PLA2G4D: variants seen among roughly 807,000 people sequenced by gnomAD.
PLA2G4D encodes phospholipase A2 group IVD, also known as cytosolic phospholipase A2 delta.
In PLA2G4D, 80 loss-of-function variants were observed where a neutral mutation model predicts 94.4. The ratio of observed to expected loss-of-function variants is 0.85; its 90% CI spans 0.71 to 1.02. PLA2G4D has a LOEUF of 1.02. PLA2G4D is among the 50% of genes least tolerant of loss of function. The probability of loss-of-function intolerance (pLI) is 0.00; values close to 1 mark genes in which losing one functional copy is unlikely to be tolerated. For synonymous variants in PLA2G4D, 438 were observed against 440.9 expected (o/e 0.99, Z 0.08); for missense variants, 1,050 against 1,034.7 (o/e 1.01, Z -0.20).
intron 4 of PLA2G4D, 92 bp downstream of exon 4, chr15:42,086,121 C>T (rs1046547843): frequency 1.5e-6 from 2 of 1,350,726 alleles, no homozygotes; most frequent in Admixed American, 4.5e-5. Flanking sequence ...TTCACCCCAG[C>T]AGCCTCCCAA....
At chr15:42,088,889 G>T (rs551923693) in intron 1 of PLA2G4D, among the ~76,000 whole-genome samples, 82 of 152,256 alleles carry the variant, frequency 5.4e-4, no homozygotes, top group African/African-American at 1.9e-3. Flanking sequence ...CCCCCAGGAG[G>T]CACCAAGCAC....
chr15:42,086,463 G>T, intron 3 of PLA2G4D, 119 bp from the exon 4 acceptor site: 1 of 929,446 alleles, frequency 1.1e-6, no homozygotes, highest in South Asian at 1.6e-5. Context: ...CCACACGTCT[G>T]CGCTTCAAAA....
Position 42,081,508 on chromosome 15 carries a change from G to GCAGGGCCTGCTT in PLA2G4D, c.916_927dup (p.Lys306_Leu309dup), listed in dbSNP as rs1566863349. On this transcript the variant is annotated inframe_insertion, in exon 11 of 20. Transcript: ENST00000290472. ...TCCTCCTGCAGGTCTCTGTCCAGCT[G>GCAGGGCCTGCTT]CAGGGCCTGCTTCAGGGCCTTGGCC... 6.2e-7 allele frequency: 1 copy of GCAGGGCCTGCTT among 1,614,138 alleles called. No individual in the cohort carries two copies. Among genetic ancestry groups the GCAGGGCCTGCTT allele is most frequent in the Non-Finnish European group, 8.5e-7 (1 of 1,179,984 alleles).
chr15:42,070,126 C>T, intron 18 of PLA2G4D, 31 bp from the exon 19 acceptor site: 2 of 1,461,498 alleles, frequency 1.4e-6, no homozygotes, highest in Non-Finnish European at 1.8e-6. Context: ...CGGAGAGAAC[C>T]AGCCCGGCCC....
At chr15:42,092,195 G>A (rs1325537364) in intron 1 of PLA2G4D, among the ~76,000 whole-genome samples, 1 of 152,190 alleles carries the variant, frequency 6.6e-6, no homozygotes, top group Non-Finnish European at 1.5e-5. Context: ...TCAAAAGACA[G>A]TACTCCCATT....
Position 42,085,487 on chromosome 15 carries a change from T to C in PLA2G4D, c.428+4A>G. 1.2e-6 allele frequency: 2 copies of C among 1,614,040 alleles called. No individual in the cohort carries two copies. The highest frequency in any genetic ancestry group is 1.7e-6 in the Non-Finnish European group (2 of 1,179,992). Reference sequence around the variant, plus strand: ...CACTCCCTGGGCTGTGTGACATTACTCACGTTTCTTCCATCAGGAACTCCA... The same window carrying C: ...CACTCCCTGGGCTGTGTGACATTACCCACGTTTCTTCCATCAGGAACTCCA... On this transcript the variant is annotated splice_donor_region_variant and intron_variant, in intron 5 of 19. Transcript: ENST00000290472.
At chr15:42,079,151 G>A (rs1016731916) in intron 13 of PLA2G4D, among the ~76,000 whole-genome samples, 3 of 152,202 alleles carry the variant, frequency 2.0e-5, no homozygotes, top group Non-Finnish European at 2.9e-5. Context: ...AAGAGGTACT[G>A]GTGTTAGAAC....
intron 13 of PLA2G4D, among the ~76,000 whole-genome samples, chr15:42,078,825 G>T (rs1017281282): frequency 3.3e-5 from 5 of 152,116 alleles, no homozygotes; most frequent in African/African-American, 9.7e-5. Flanking sequence ...AGATAGTTAT[G>T]TGTGGTAAAA....
At chr15:42,086,032 T>G (rs1890137491) in intron 4 of PLA2G4D, among the ~76,000 whole-genome samples, 181 bp downstream of exon 4, 1 of 152,260 alleles carries the variant, frequency 6.6e-6, no homozygotes, top group Non-Finnish European at 1.5e-5. Flanking sequence ...TGATTCAGCC[T>G]GTAACTGTAA....
chr15:42,092,889 G>A (rs369793606), intron 1 of PLA2G4D, among the ~76,000 whole-genome samples: 53 of 152,318 alleles, frequency 3.5e-4, no homozygotes, highest in African/African-American at 8.4e-4. Context: ...CTGGGTGTTC[G>A]GCAGGAAGAG....
chr15:42,092,031 G>C (rs139661283), intron 1 of PLA2G4D, among the ~76,000 whole-genome samples: 1 of 152,292 alleles, frequency 6.6e-6, no homozygotes, highest in East Asian at 1.9e-4. Flanking sequence ...CGCATTGGTG[G>C]CAGTGGTCCC....
chr15:42,085,202 T>C, intron 5 of PLA2G4D, 64 bp from the exon 6 acceptor site: 1 of 1,588,498 alleles, frequency 6.3e-7, no homozygotes, highest in Non-Finnish European at 8.6e-7. Context: ...CCCGCCCATG[T>C]GGGGTCTCCC....
chr15:42,070,173 G>C, intron 18 of PLA2G4D, 78 bp from the exon 19 acceptor site: 1 of 1,305,450 alleles, frequency 7.7e-7, no homozygotes. Flanking sequence ...CACACCAGCT[G>C]CTTCAGTGTC....
intron 1 of PLA2G4D, among the ~76,000 whole-genome samples, chr15:42,089,258 A>C (rs1397123075): frequency 6.6e-6 from 1 of 152,020 alleles, no homozygotes; most frequent in Non-Finnish European, 1.5e-5. Context: ...CGGTGCCCAC[A>C]AGGACTCGTA....
intron 19 of PLA2G4D, among the ~76,000 whole-genome samples, chr15:42,069,520 C>T (rs1309993184): frequency 6.6e-6 from 1 of 152,046 alleles, no homozygotes; most frequent in Non-Finnish European, 1.5e-5. Flanking sequence ...ATTTCGGGAG[C>T]CCCTGAGGAG....
intron 9 of PLA2G4D, among the ~76,000 whole-genome samples, chr15:42,082,078 T>C (rs1225973382): frequency 6.6e-6 from 1 of 152,072 alleles, no homozygotes; most frequent in Non-Finnish European, 1.5e-5. Context: ...ATTACAGGTG[T>C]GCGCCACCAC....
rs772537481 is a variant in PLA2G4D, at chr15:42,070,642, C to A, written c.2043+75G>T. The A allele has an allele frequency of 4.1e-6, 6 of 1,468,000 alleles. No individual in the cohort carries two copies. The South Asian group carries it at 7.9e-5, about 19-fold the overall frequency. The allele number at this position is 1,468,000 out of a possible 1,614,324, so 90.9% of individuals were successfully genotyped here. A position where few individuals can be genotyped will look rare whatever the true frequency, so the allele number is the denominator to read the frequency against. ...GGACCCCGGCGGTGTGGGGCAGGGG[C>A]TCAGTGGCCCTGCTGCTCGCCTCTG... On this transcript the variant is annotated intron_variant, in intron 18 of 19. Coordinates refer to ENST00000290472, the MANE Select transcript of PLA2G4D (RefSeq NM_178034.4).
In PLA2G4D at chr15:42,080,170, T is replaced by A. The variant is rs1363878954; in HGVS notation, c.1095-411A>T. Among the ~76,000 whole-genome samples, 3 of 152,200 alleles carry A rather than the reference T, an allele frequency of 2.0e-5. No homozygotes were observed. The South Asian group carries it at 6.2e-4, about 31-fold the overall frequency. ...CAATGTGGACTGGCTGCATTTCAAA[T>A]GGTCAATAAACAATGTGGCTAGTGG... On this transcript the variant is annotated intron_variant, in intron 12 of 19. Transcript: ENST00000290472.
chr15:42,068,913 C>A lies in PLA2G4D; in HGVS notation c.2259G>T (p.Gln753His), dbSNP rs1419477934. ...CCCCGGTGAGATCCACTTGGCCACCCTGGAGCTCTGCGGGGCTGCGCTGGA... is the reference window on the plus strand; with the variant it reads ...CCCCGGTGAGATCCACTTGGCCACCATGGAGCTCTGCGGGGCTGCGCTGGA... ...PGVQRSPAEL[Q>H]GGQVDLTGAT... Residue 753 changes from glutamine to histidine, a missense_variant, in exon 20 of 20, where the codon CAG becomes CAT. Physicochemically the swap from Gln to His is conservative, Grantham distance 24. Transcript: ENST00000290472. 10 of 1,612,428 alleles carry A rather than the reference C, an allele frequency of 6.2e-6. No homozygotes were observed. Among genetic ancestry groups the A allele is most frequent in the Non-Finnish European group, 8.5e-6 (10 of 1,179,822 alleles).
Sources: gnomAD v4.1 joint callset for allele counts (sites outside exome capture counted in the v4.1 genomes callset) on GRCh38, gnomAD v4.1.1 for gene constraint, MANE v1.5 for transcripts, NCBI Gene and HGNC (gene_info 2026-07-23, HGNC 2026-07-21) for gene names.